SPIN1: variants seen among roughly 807,000 people sequenced by gnomAD.
SPIN1 encodes the protein spindlin 1, also known as spindlin-1.
SPIN1 carries 3 observed loss-of-function variants against 26.0 expected under a neutral mutation model. The ratio of observed to expected loss-of-function variants is 0.12; its 90% CI spans 0.05 to 0.30. SPIN1 has a LOEUF of 0.30. SPIN1 is among the 10% of genes least tolerant of loss of function. The pLI is 1.00. For synonymous variants in SPIN1, 101 were observed against 116.5 expected, an observed-to-expected ratio of 0.87 and a Z score of 0.86; for missense variants, 126 against 333.4, an observed-to-expected ratio of 0.38 and a Z score of 4.84.
At chr9:88,425,529 TTAG>T in intron 1 of SPIN1, among the ~76,000 whole-genome samples, 1 of 151,888 alleles carries the variant, frequency 6.6e-6, no homozygotes, top group East Asian at 1.9e-4. Context: ...AATACAAAAA[TTAG>T]CTGGGCATGG....
rs530433179 is a variant in SPIN1, at chr9:88,401,124, CAG to C, written c.-159+12588_-159+12589del. Among the ~76,000 whole-genome samples, 299 of 152,302 alleles carry C rather than the reference CAG, an allele frequency of 2.0e-3. 1 individual carries two copies. The highest frequency in any genetic ancestry group is 7.0e-3 in the African/African-American group (289 of 41,578). ...TTTTTGGAGGATGGCTGCACTAAAA[CAG>C]AATTTAAAATGCATGTGCTCTGTTG... On this transcript the variant is annotated intron_variant, in intron 1 of 5. Transcript: ENST00000375859.
At chr9:88,446,684 AG>A (rs749500739) in intron 2 of SPIN1, among the ~76,000 whole-genome samples, 1 of 152,192 alleles carries the variant, frequency 6.6e-6, no homozygotes, top group Non-Finnish European at 1.5e-5. Flanking sequence ...CTGGGATTAC[AG>A]GCGTGAGCCA....
chr9:88,421,444 G>A (rs1378335512), intron 1 of SPIN1, among the ~76,000 whole-genome samples: 1 of 151,838 alleles, frequency 6.6e-6, no homozygotes, highest in Non-Finnish European at 1.5e-5. Flanking sequence ...CTGGTAGCTG[G>A]TACTACAGAT....
chr9:88,455,099 T>A (rs765999510), intron 3 of SPIN1, among the ~76,000 whole-genome samples: 1 of 152,228 alleles, frequency 6.6e-6, no homozygotes, highest in Non-Finnish European at 1.5e-5. Flanking sequence ...ATCCTTAAAA[T>A]ATGCAAATCT....
intron 4 of SPIN1, among the ~76,000 whole-genome samples, chr9:88,463,744 C>A (rs887110923): frequency 6.6e-6 from 1 of 152,160 alleles, no homozygotes; most frequent in Non-Finnish European, 1.5e-5. Flanking sequence ...AGAAATCTTT[C>A]TTTAAATTTA....
intron 1 of SPIN1, among the ~76,000 whole-genome samples, chr9:88,408,213 T>C (rs1423536759): frequency 2.0e-5 from 3 of 151,924 alleles, no homozygotes; most frequent in East Asian, 3.9e-4. Flanking sequence ...GGGATGTCTT[T>C]CATTAGTTTC....
intron 5 of SPIN1, among the ~76,000 whole-genome samples, chr9:88,468,918 C>G (rs553023265): frequency 3.3e-5 from 5 of 152,130 alleles, no homozygotes; most frequent in Non-Finnish European, 5.9e-5. Flanking sequence ...AAATACGTCC[C>G]CGTGTACCCT....
chr9:88,409,039 A>G (rs1827378734), intron 1 of SPIN1, among the ~76,000 whole-genome samples: 1 of 147,730 alleles, frequency 6.8e-6, no homozygotes, highest in East Asian at 2.0e-4. Context: ...CTTGTTGCCC[A>G]GGCTGGAGTG....
At chr9:88,405,227 C>T (rs1827270531) in intron 1 of SPIN1, among the ~76,000 whole-genome samples, 1 of 151,880 alleles carries the variant, frequency 6.6e-6, no homozygotes, top group African/African-American at 2.4e-5. Context: ...TTGTACTATA[C>T]TTTTTTTTGT....
chr9:88,405,417 C>T (rs1020164611), intron 1 of SPIN1, among the ~76,000 whole-genome samples: 6 of 151,138 alleles, frequency 4.0e-5, no homozygotes, highest in South Asian at 2.1e-4. Context: ...TTAGTAGAGA[C>T]GGGGTTTCAC....
At chr9:88,411,410 A>G (rs559307509) in intron 1 of SPIN1, 10 of 1,590,110 alleles carry the variant, frequency 6.3e-6, no homozygotes, top group African/African-American at 4.0e-5. Flanking sequence ...CAACCCTCCA[A>G]TGAAGAGCTT....
At chr9:88,471,986 A>G (rs1224580316) in intron 5 of SPIN1, among the ~76,000 whole-genome samples, 1 of 151,974 alleles carries the variant, frequency 6.6e-6, no homozygotes, top group African/African-American at 2.4e-5. Context: ...TTTAGTAGAG[A>G]TGGGGTTTTG....
intron 2 of SPIN1, among the ~76,000 whole-genome samples, chr9:88,448,659 TTTC>T (rs1393822166): frequency 6.6e-6 from 1 of 152,174 alleles, no homozygotes; most frequent in Non-Finnish European, 1.5e-5. Context: ...ACACATAGTT[TTTC>T]TTGTAGTTCT....
intron 1 of SPIN1, among the ~76,000 whole-genome samples, chr9:88,403,542 C>G (rs1342277952): frequency 6.6e-6 from 1 of 152,030 alleles, no homozygotes; most frequent in Non-Finnish European, 1.5e-5. Context: ...GACCCCATCT[C>G]TACAGAAAAT....
intron 1 of SPIN1, among the ~76,000 whole-genome samples, chr9:88,406,432 A>C (rs530672003): frequency 1.2e-4 from 18 of 151,928 alleles, no homozygotes; most frequent in African/African-American, 4.1e-4. Context: ...CTGGGACTAC[A>C]GGCGCCTGCC....
intron 1 of SPIN1, among the ~76,000 whole-genome samples, chr9:88,406,855 T>C (rs1486376731): frequency 1.3e-5 from 2 of 152,164 alleles, no homozygotes; most frequent in African/African-American, 4.8e-5. Context: ...GATACTTTCC[T>C]CCTCTCCTGG....
chr9:88,389,337 A>AGGTGCTGCG (rs1323359987), intron 1 of SPIN1: 1 of 152,220 alleles, frequency 6.6e-6, no homozygotes, highest in Non-Finnish European at 1.5e-5. Flanking sequence ...GCGATGCGGG[A>AGGTGCTGCG]ACTGCGCAGC....
chr9:88,446,165 G>T (rs1381789460), intron 2 of SPIN1, among the ~76,000 whole-genome samples: 1 of 151,900 alleles, frequency 6.6e-6, no homozygotes, highest in African/African-American at 2.4e-5. Flanking sequence ...CTCTGTAATT[G>T]GGTTCATATG....
intron 2 of SPIN1, among the ~76,000 whole-genome samples, chr9:88,444,979 C>G (rs1201823956): frequency 2.0e-5 from 3 of 152,294 alleles, no homozygotes; most frequent in Middle Eastern, 3.4e-3. Context: ...CAGGCGTGAG[C>G]CACGCGCCCA....
Sources: gnomAD v4.1 joint callset for allele counts (sites outside exome capture counted in the v4.1 genomes callset) on GRCh38, gnomAD v4.1.1 for gene constraint, MANE v1.5 for transcripts, NCBI Gene and HGNC (gene_info 2026-07-23, HGNC 2026-07-21) for gene names.